The following FNDC3B variants were observed in gnomAD, a reference collection of about 807,000 sequenced individuals.
FNDC3B encodes the protein fibronectin type III domain-containing protein 3B.
In FNDC3B, 12 loss-of-function variants were observed where a neutral mutation model predicts 151.5. That is an observed-to-expected ratio of 0.08 (90% CI 0.05 to 0.13). FNDC3B has a LOEUF of 0.13. Ranked by LOEUF, FNDC3B falls within the 10% of genes least tolerant of loss-of-function variation. The pLI, the probability that FNDC3B is intolerant of heterozygous loss-of-function variation, is 1.00. For missense variants in FNDC3B, 1,214 were observed against 1,505.3 expected, an observed-to-expected ratio of 0.81 and a Z score of 3.20; for synonymous variants, 528 against 549.0, an observed-to-expected ratio of 0.96 and a Z score of 0.54.
At chr3:172,351,795 T>C (rs150966357) in intron 21 of FNDC3B, among the ~76,000 whole-genome samples, 1 of 152,126 alleles carries the variant, frequency 6.6e-6, no homozygotes, top group Non-Finnish European at 1.5e-5. Flanking sequence ...ATGACTTGAG[T>C]GCTCTGAAGG....
At chr3:172,362,100 T>C (rs1734393144) in intron 22 of FNDC3B, among the ~76,000 whole-genome samples, 1 of 152,246 alleles carries the variant, frequency 6.6e-6, no homozygotes, top group South Asian at 2.1e-4. Context: ...TTTGCACATC[T>C]GGATGCCATC....
intron 3 of FNDC3B, among the ~76,000 whole-genome samples, chr3:172,225,227 A>G (rs1317940): frequency 0.26 from 38,817 of 152,108 alleles, 5,124 homozygotes; most frequent in East Asian, 0.44. Context: ...AGGCTGGAGT[A>G]TGGTGGCTTG....
chr3:172,328,184 A>G (rs1732457127), intron 11 of FNDC3B, among the ~76,000 whole-genome samples: 2 of 152,228 alleles, frequency 1.3e-5, no homozygotes, highest in African/African-American at 4.8e-5. Flanking sequence ...AAGGCATTCA[A>G]AATACATTTC....
intron 1 of FNDC3B, among the ~76,000 whole-genome samples, chr3:172,041,446 C>T: frequency 7.5e-6 from 1 of 133,384 alleles, no homozygotes. Context: ...TCCTTCCTTC[C>T]TTCCTTCTCT....
At position 172,086,617 on chromosome 3, in the gene FNDC3B, C is replaced by T. The variant is rs962996449; in HGVS notation, c.-28-25835C>T. Among the ~76,000 whole-genome samples, 54 of 152,258 alleles carry T rather than the reference C, an allele frequency of 3.5e-4. 1 individual carries two copies. The highest frequency in any genetic ancestry group is 1.3e-3 in the African/African-American group (52 of 41,548). Reference sequence around the variant, plus strand: ...AACTATGTAAGTGAAATGCTAATAACATTTCTTATTTTCATATAATCTTTA... The same window carrying T: ...AACTATGTAAGTGAAATGCTAATAATATTTCTTATTTTCATATAATCTTTA... On this transcript the variant is annotated intron_variant, in intron 1 of 25. Coordinates refer to ENST00000415807, the MANE Select transcript of FNDC3B (RefSeq NM_022763.4).
chr3:172,192,154 GT>G (rs200012948), intron 3 of FNDC3B, among the ~76,000 whole-genome samples: 5 of 144,530 alleles, frequency 3.5e-5, no homozygotes, highest in Admixed American at 7.0e-5. Context: ...ACAGAAGACT[GT>G]TTTTTTTGTG....
At chr3:172,151,946 C>T (rs1722248851) in intron 3 of FNDC3B, among the ~76,000 whole-genome samples, 1 of 152,126 alleles carries the variant, frequency 6.6e-6, no homozygotes, top group South Asian at 2.1e-4. Flanking sequence ...TAAAAGGTAG[C>T]AGAATCTAAT....
chr3:172,357,241 C>T (rs1734139987), intron 22 of FNDC3B, among the ~76,000 whole-genome samples: 1 of 152,110 alleles, frequency 6.6e-6, no homozygotes, highest in South Asian at 2.1e-4. Context: ...TTCACATCAG[C>T]CTAGCCAAGA....
intron 6 of FNDC3B, 66 bp downstream of exon 6, chr3:172,251,607 A>T (rs1728085023): frequency 1.4e-6 from 2 of 1,400,326 alleles, no homozygotes; most frequent in Non-Finnish European, 1.9e-6. Flanking sequence ...TGATGTTTCC[A>T]CATCTTTTAC....
intron 1 of FNDC3B, among the ~76,000 whole-genome samples, chr3:172,103,965 C>A (rs949745425): frequency 1.3e-5 from 2 of 152,120 alleles, no homozygotes; most frequent in African/African-American, 2.4e-5. Context: ...AAGTGGCAAG[C>A]CATGGCAAGA....
intron 25 of FNDC3B, among the ~76,000 whole-genome samples, chr3:172,386,437 T>C (rs967196728): frequency 6.6e-6 from 1 of 152,166 alleles, no homozygotes; most frequent in Non-Finnish European, 1.5e-5. Context: ...GGTGCTCAGA[T>C]TTGTTGCGTA....
At chr3:172,103,581 C>A (rs1243431214) in intron 1 of FNDC3B, among the ~76,000 whole-genome samples, 2 of 152,114 alleles carry the variant, frequency 1.3e-5, no homozygotes. Context: ...GACATCCATC[C>A]CCTTTTTGCA....
chr3:172,227,026 C>A, intron 4 of FNDC3B, 79 bp downstream of exon 4: 1 of 1,013,462 alleles, frequency 9.9e-7, no homozygotes, highest in Non-Finnish European at 1.6e-6. Flanking sequence ...GGCTTCAAAG[C>A]CATATTCCAG....
intron 1 of FNDC3B, among the ~76,000 whole-genome samples, chr3:172,044,777 A>C (rs1275626590): frequency 6.6e-6 from 1 of 152,222 alleles, no homozygotes; most frequent in African/African-American, 2.4e-5. Context: ...AACCCATGAC[A>C]TATGGTTTGA....
At chr3:172,104,231 A>G (rs1191690976) in intron 1 of FNDC3B, among the ~76,000 whole-genome samples, 1 of 152,108 alleles carries the variant, frequency 6.6e-6, no homozygotes, top group Non-Finnish European at 1.5e-5. Context: ...TATTGAAGGG[A>G]GGAAACATAC....
chr3:172,139,026 G>T (rs561071401), intron 3 of FNDC3B, among the ~76,000 whole-genome samples: 1 of 152,296 alleles, frequency 6.6e-6, no homozygotes, highest in African/African-American at 2.4e-5. Flanking sequence ...CTCTGTGAAT[G>T]ACACCATTGA....
intron 23 of FNDC3B, among the ~76,000 whole-genome samples, chr3:172,370,838 G>A (rs1734846755): frequency 6.6e-6 from 1 of 152,082 alleles, no homozygotes; most frequent in South Asian, 2.1e-4. Context: ...TAAGCTGAAG[G>A]TACAAAGATA....
At chr3:172,317,080 A>G (rs1243935063) in intron 11 of FNDC3B, 3 of 418,630 alleles carry the variant, frequency 7.2e-6, no homozygotes, top group Non-Finnish European at 1.4e-5. Context: ...CAAAATGGCA[A>G]TGCATTTGTG....
At position 172,275,469 on chromosome 3, in the gene FNDC3B, GA is replaced by G. The variant is rs1729389034; in HGVS notation, c.791-10456del. ...TCCAAATAATATAAATGTTATTAAAGACTTAGAATGAGATAGCAATAGTGCA... is the reference window on the plus strand; with the variant it reads ...TCCAAATAATATAAATGTTATTAAAGCTTAGAATGAGATAGCAATAGTGCA... On this transcript the variant is annotated intron_variant, in intron 6 of 25. Transcript: ENST00000415807. Among the ~76,000 whole-genome samples the G allele has an allele frequency of 3.3e-5, 5 of 152,302 alleles. No homozygotes were observed. In the Middle Eastern group the frequency reaches 0.01, roughly 311 times the overall value.
Sources: allele counts gnomAD v4.1 joint callset (sites outside exome capture counted in the v4.1 genomes callset), GRCh38; gene constraint gnomAD v4.1.1; transcripts MANE v1.5; gene names NCBI Gene and HGNC (gene_info 2026-07-23, HGNC 2026-07-21).